The following STK32C variants were observed in gnomAD, a reference collection of about 807,000 sequenced individuals.
STK32C encodes serine/threonine kinase 32C.
Under a neutral mutation model 56.5 loss-of-function variants are expected in STK32C, and 31 were observed. The observed-to-expected ratio is 0.55, with a 90% CI of 0.41 to 0.74. The LOEUF is 0.74. STK32C is among the 30% of genes least tolerant of loss of function. STK32C has a pLI of 0.00. For missense variants in STK32C, 544 were observed against 676.9 expected (o/e 0.80, Z 2.18); for synonymous variants, 309 against 289.4 (o/e 1.07, Z -0.69).
chr10:132,265,503 C>T (rs1419341962), intron 1 of STK32C, among the ~76,000 whole-genome samples: 1 of 152,162 alleles, frequency 6.6e-6, no homozygotes, highest in Non-Finnish European at 1.5e-5. Flanking sequence ...GGGGCCCTGC[C>T]TGGGTGTGAG....
At chr10:132,210,094 C>A (rs896650658) in intron 10 of STK32C, among the ~76,000 whole-genome samples, 1 of 152,216 alleles carries the variant, frequency 6.6e-6, no homozygotes, top group Non-Finnish European at 1.5e-5. Context: ...GGACCACCCC[C>A]CCATGCGATT....
chr10:132,237,524 G>A (rs897777904), intron 2 of STK32C, among the ~76,000 whole-genome samples: 6 of 152,268 alleles, frequency 3.9e-5, no homozygotes, highest in Non-Finnish European at 7.3e-5. Context: ...AGGAGCACGT[G>A]GTAACCACTC....
At chr10:132,282,715 G>A (rs1016683766) in intron 1 of STK32C, among the ~76,000 whole-genome samples, 2 of 152,236 alleles carry the variant, frequency 1.3e-5, no homozygotes, top group African/African-American at 2.4e-5. Context: ...CAAAGCATCC[G>A]ATCACCCAGC....
chr10:132,301,967 C>T (rs899012182), intron 1 of STK32C, among the ~76,000 whole-genome samples: 7 of 152,186 alleles, frequency 4.6e-5, no homozygotes, highest in South Asian at 2.1e-4. Context: ...AAAGTATGTC[C>T]GCGGGCCAGC....
At chr10:132,230,437 C>T (rs998147540) in intron 2 of STK32C, among the ~76,000 whole-genome samples, 15 of 152,326 alleles carry the variant, frequency 9.8e-5, no homozygotes, top group East Asian at 5.8e-4. Context: ...GCAGAAGCAA[C>T]GGTGCTTTCC....
intron 1 of STK32C, among the ~76,000 whole-genome samples, chr10:132,291,569 G>T (rs551894275): frequency 6.6e-6 from 1 of 152,208 alleles, no homozygotes; most frequent in Non-Finnish European, 1.5e-5. Context: ...ATGGAGTTGG[G>T]CCTGGAGCCT....
At chr10:132,259,597 C>T (rs920115647) in intron 1 of STK32C, among the ~76,000 whole-genome samples, 18 of 152,318 alleles carry the variant, frequency 1.2e-4, no homozygotes, top group Non-Finnish European at 2.5e-4. Flanking sequence ...CTACCTGCTC[C>T]AGCCATGAGA....
rs901477428 is a variant in STK32C at position 132,301,990 on chromosome 10, G to A, written c.262+5582C>T. 3.3e-5 allele frequency among the ~76,000 whole-genome samples: 5 copies of A among 152,314 alleles called. No homozygotes were observed. In the South Asian group the frequency reaches 8.3e-4, roughly 25 times the overall value. ...TCCGCGGGCCAGCAGCGCTGGCACC[G>A]CCTGGGGCCGGCTGGAAATGTGGGC... On this transcript the variant is annotated intron_variant, in intron 1 of 11. Coordinates refer to ENST00000298630, the MANE Select transcript of STK32C (RefSeq NM_173575.4).
At chr10:132,238,321 G>C (rs1028675458) in intron 2 of STK32C, among the ~76,000 whole-genome samples, 1 of 152,212 alleles carries the variant, frequency 6.6e-6, no homozygotes, top group Non-Finnish European at 1.5e-5. Flanking sequence ...GGTGAGATCA[G>C]GAGATGCCTG....
intron 1 of STK32C, among the ~76,000 whole-genome samples, chr10:132,317,511 C>T (rs371752349): frequency 2.6e-5 from 4 of 152,054 alleles, no homozygotes; most frequent in East Asian, 1.9e-4. Context: ...GACACTTGGC[C>T]GGGAAGATTT....
At chr10:132,253,446 G>T (rs2063981411) in intron 1 of STK32C, among the ~76,000 whole-genome samples, 2 of 150,234 alleles carry the variant, frequency 1.3e-5, no homozygotes, top group Non-Finnish European at 3.0e-5. Context: ...GAGCTGGAGG[G>T]AGTCGAGGGA....
At chr10:132,208,173 G>T in intron 11 of STK32C, 22 bp from the exon 12 acceptor site, 1 of 1,308,170 alleles carries the variant, frequency 7.6e-7, no homozygotes, top group Non-Finnish European at 9.8e-7. Context: ...GGAACACATG[G>T]AGGGCGTTAT....
chr10:132,265,314 TCTC>T (rs1192129575), intron 1 of STK32C, among the ~76,000 whole-genome samples: 7 of 152,102 alleles, frequency 4.6e-5, no homozygotes, highest in Non-Finnish European at 7.4e-5. Context: ...CACTGGCTCT[TCTC>T]CTTCGATGAC....
At chr10:132,233,673 G>T (rs1418101089) in intron 2 of STK32C, among the ~76,000 whole-genome samples, 1 of 152,344 alleles carries the variant, frequency 6.6e-6, no homozygotes, top group East Asian at 1.9e-4. Flanking sequence ...GGGGGTCTTT[G>T]TCCCAAGAGG....
At chr10:132,279,573 C>T (rs2065091194) in intron 1 of STK32C, among the ~76,000 whole-genome samples, 1 of 151,984 alleles carries the variant, frequency 6.6e-6, no homozygotes, top group Admixed American at 6.5e-5. Flanking sequence ...TGCAATGAGC[C>T]ATGATCATGC....
chr10:132,313,774 G>A (rs2066265522), intron 1 of STK32C, among the ~76,000 whole-genome samples: 1 of 150,520 alleles, frequency 6.6e-6, no homozygotes. Flanking sequence ...AGAGATTGAG[G>A]CAGGGAGTGG....
chr10:132,243,102 G>A (rs1271427708), intron 2 of STK32C, among the ~76,000 whole-genome samples: 2 of 152,142 alleles, frequency 1.3e-5, no homozygotes, highest in Admixed American at 6.5e-5. Flanking sequence ...CTGGGGCAGC[G>A]ACCTCCCCTC....
rs200394025 is a variant in STK32C, at chr10:132,209,115, G to A, written c.1252-14C>T. 8.4e-4 allele frequency: 1,357 copies of A among 1,612,830 alleles called. 10 individuals are homozygous for A. In the African/African-American group the frequency reaches 0.016, roughly 19 times the overall value. On this transcript the variant is annotated splice_polypyrimidine_tract_variant and intron_variant, in intron 10 of 11. Coordinates refer to ENST00000298630, the MANE Select transcript of STK32C (RefSeq NM_173575.4). ...ATAGTCATTCTCCTGTGGATGGAAA[G>A]GCACACGTGAGCGTGGGGGACGCTG...
At chr10:132,235,667 G>A (rs558323335) in intron 2 of STK32C, among the ~76,000 whole-genome samples, 157 of 152,134 alleles carry the variant, frequency 1.0e-3, no homozygotes, top group Non-Finnish European at 1.6e-3. Context: ...AGGACACAGA[G>A]CCATCTGGGC....
Sources: gnomAD v4.1 joint callset for allele counts (sites outside exome capture counted in the v4.1 genomes callset) on GRCh38, gnomAD v4.1.1 for gene constraint, MANE v1.5 for transcripts, NCBI Gene and HGNC (gene_info 2026-07-23, HGNC 2026-07-21) for gene names.